TAFA5: variants seen among roughly 807,000 people sequenced by gnomAD.
The protein encoded by TAFA5 is TAFA chemokine like family member 5.
A neutral mutation model predicts 15.3 loss-of-function variants in TAFA5; 6 were observed. That is an observed-to-expected ratio of 0.39 (90% CI 0.21 to 0.77). The LOEUF is 0.77. Among genes scored for constraint, TAFA5 ranks in the 30% least tolerant of loss-of-function variants. The pLI, the probability that TAFA5 is intolerant of heterozygous loss-of-function variation, is 0.41. For synonymous variants in TAFA5, 103 were observed against 80.7 expected, an observed-to-expected ratio of 1.28 and a Z score of -1.48; for missense variants, 161 against 193.1, an observed-to-expected ratio of 0.83 and a Z score of 0.98.
chr22:48,513,618 T>C (rs1224234511), intron 1 of TAFA5, among the ~76,000 whole-genome samples: 1 of 152,236 alleles, frequency 6.6e-6, no homozygotes, highest in East Asian at 1.9e-4. Flanking sequence ...TAAGAGAAGC[T>C]GAGCACCTGG....
At chr22:48,636,146 CAG>C (rs1264786705) in intron 1 of TAFA5, among the ~76,000 whole-genome samples, 2 of 152,232 alleles carry the variant, frequency 1.3e-5, no homozygotes, top group African/African-American at 4.8e-5. Context: ...AGTGGGGACA[CAG>C]GGAGGTGTTG....
At chr22:48,563,287 G>A (rs955082618) in intron 1 of TAFA5, among the ~76,000 whole-genome samples, 1 of 152,100 alleles carries the variant, frequency 6.6e-6, no homozygotes, top group African/African-American at 2.4e-5. Flanking sequence ...CGCTTATGTC[G>A]GTTTCCAGAG....
intron 2 of TAFA5, among the ~76,000 whole-genome samples, chr22:48,686,943 G>A (rs938211773): frequency 6.9e-6 from 1 of 145,070 alleles, no homozygotes; most frequent in East Asian, 2.0e-4. Flanking sequence ...TGGATGGATT[G>A]GTGGAGGGTG....
At chr22:48,533,610 G>C (rs4823539) in intron 1 of TAFA5, among the ~76,000 whole-genome samples, 4 of 151,962 alleles carry the variant, frequency 2.6e-5, no homozygotes, top group Non-Finnish European at 5.9e-5. Context: ...TGAGGCCCTC[G>C]GGAGATGGCT....
intron 3 of TAFA5, among the ~76,000 whole-genome samples, chr22:48,716,245 A>T (rs1929397857): frequency 6.6e-6 from 1 of 152,256 alleles, no homozygotes; most frequent in Non-Finnish European, 1.5e-5. Flanking sequence ...ACTATTTACA[A>T]TAGCAAAGAT....
chr22:48,491,886 C>G (rs896142664), intron 1 of TAFA5, among the ~76,000 whole-genome samples: 8 of 152,312 alleles, frequency 5.3e-5, no homozygotes, highest in African/African-American at 1.9e-4. Context: ...AGCCTTTCGC[C>G]AGGACAAGGA....
Position 48,641,712 on chromosome 22 carries a change from C to T in TAFA5, c.113-4885C>T, listed in dbSNP as rs1041458200. Among the ~76,000 whole-genome samples the T allele has an allele frequency of 9.2e-5, 14 of 152,060 alleles. No homozygotes were observed. In the East Asian group the frequency reaches 1.2e-3, roughly 13 times the overall value. On this transcript the variant is annotated intron_variant, in intron 1 of 3. Coordinates refer to ENST00000402357, the MANE Select transcript of TAFA5 (RefSeq NM_001082967.3). ...CACGGCCTCGCTAACTGGGAGCCCT[C>T]GGAGGCCCCCGGTCCAGGCCAACCC...
chr22:48,727,661 T>C (rs1333774456), intron 3 of TAFA5, among the ~76,000 whole-genome samples: 2 of 152,104 alleles, frequency 1.3e-5, no homozygotes, highest in Non-Finnish European at 2.9e-5. Context: ...GCAAAGACTA[T>C]CAAATCAAGT....
chr22:48,614,460 A>G (rs1346977080), intron 1 of TAFA5, among the ~76,000 whole-genome samples: 5 of 152,234 alleles, frequency 3.3e-5, no homozygotes, highest in Non-Finnish European at 7.3e-5. Context: ...TTTGCACGAC[A>G]CTTGCTGGTT....
At chr22:48,740,382 G>A (rs1323598896) in intron 3 of TAFA5, among the ~76,000 whole-genome samples, 8 of 152,156 alleles carry the variant, frequency 5.3e-5, no homozygotes, top group African/African-American at 1.4e-4. Context: ...TCCAGACTCC[G>A]GCCCCTCCCT....
chr22:48,612,584 C>T (rs1411264819), intron 1 of TAFA5, among the ~76,000 whole-genome samples: 3 of 152,088 alleles, frequency 2.0e-5, no homozygotes, highest in East Asian at 3.9e-4. Flanking sequence ...TGGGAGGTGC[C>T]CCCGCCCCAC....
At chr22:48,706,543 C>A (rs888889438) in intron 2 of TAFA5, among the ~76,000 whole-genome samples, 2 of 152,208 alleles carry the variant, frequency 1.3e-5, no homozygotes, top group African/African-American at 4.8e-5. Context: ...TTTCAAACTT[C>A]TTTTTCATGT....
At chr22:48,509,247 T>C (rs1921123077) in intron 1 of TAFA5, among the ~76,000 whole-genome samples, 1 of 152,198 alleles carries the variant, frequency 6.6e-6, no homozygotes, top group Non-Finnish European at 1.5e-5. Context: ...TCGTGGCTCT[T>C]GTGAGTGGTC....
chr22:48,717,667 G>A (rs535206623), intron 3 of TAFA5, among the ~76,000 whole-genome samples: 5 of 152,334 alleles, frequency 3.3e-5, no homozygotes, highest in Admixed American at 2.6e-4. Context: ...GTTCTCTGTC[G>A]GGCACTGCAG....
At chr22:48,499,592 C>T (rs182452265) in intron 1 of TAFA5, among the ~76,000 whole-genome samples, 191 of 152,290 alleles carry the variant, frequency 1.3e-3, no homozygotes, top group Non-Finnish European at 2.0e-3. Flanking sequence ...TAGGGCCCTC[C>T]GCAGGGGGGT....
chr22:48,706,002 G>T (rs1373766437), intron 2 of TAFA5, among the ~76,000 whole-genome samples: 1 of 152,268 alleles, frequency 6.6e-6, no homozygotes, highest in African/African-American at 2.4e-5. Context: ...GAAGCCAAGG[G>T]CTCTGGAGCT....
intron 1 of TAFA5, among the ~76,000 whole-genome samples, chr22:48,642,221 C>T (rs1926708478): frequency 1.3e-5 from 2 of 152,210 alleles, no homozygotes; most frequent in African/African-American, 2.4e-5. Flanking sequence ...GTGGGGAGGC[C>T]TCGCCACTGT....
At chr22:48,663,041 G>A (rs1927499873) in intron 2 of TAFA5, among the ~76,000 whole-genome samples, 3 of 152,216 alleles carry the variant, frequency 2.0e-5, no homozygotes, top group South Asian at 2.1e-4. Flanking sequence ...CAGGAGGGAC[G>A]TGGGGATGCT....
chr22:48,664,274 C>T lies in TAFA5; in HGVS notation c.262+17528C>T, dbSNP rs35870202. 6.8e-3 allele frequency among the ~76,000 whole-genome samples: 1,035 copies of T among 152,296 alleles called. 14 individuals are homozygous for T. The highest frequency in any genetic ancestry group is 0.012 in the Non-Finnish European group (843 of 68,006). The stretch of plus-strand genomic sequence containing the variant: ...GAATAATGGGGGGCTGCTGCATCTC[C>T]TTTGAATGTTGCCTCTGATGCCTGA... On this transcript the variant is annotated intron_variant, in intron 2 of 3. Coordinates refer to ENST00000402357, the MANE Select transcript of TAFA5 (RefSeq NM_001082967.3).
Sources: allele counts gnomAD v4.1 joint callset (sites outside exome capture counted in the v4.1 genomes callset), GRCh38; gene constraint gnomAD v4.1.1; transcripts MANE v1.5; gene names NCBI Gene and HGNC (gene_info 2026-07-23, HGNC 2026-07-21).